Variants in ABCA7 observed in about 807,000 individuals in gnomAD.
The protein encoded by ABCA7 is phospholipid-transporting ATPase ABCA7.
Under a neutral mutation model 227.6 loss-of-function variants are expected in ABCA7, and 261 were observed. The observed-to-expected ratio is 1.15, with a 90% CI of 1.04 to 1.27. The LOEUF (loss-of-function observed/expected upper bound fraction) is 1.27. Ranked by LOEUF, ABCA7 falls within the 50% of genes most tolerant of loss-of-function variation. The pLI is 0.00. For missense variants in ABCA7, 3,331 were observed against 2,924.5 expected (o/e 1.14, Z -3.21); for synonymous variants, 1,488 against 1,279.7 (o/e 1.16, Z -3.47).
rs760239175 is a variant in ABCA7 at position 1,063,566 on chromosome 19, G to A, written c.5735G>A (p.Arg1912His). ...CAGACCGCTGGCTCGGGCCTGGCGC[G>A]TCTGGGACTCTCATGGTACGCAGAC... ...VAQTAGSGLA[R>H]LGLSWYADRP... is the part of the protein sequence containing the mutation. Residue 1912 changes from arginine to histidine, a missense_variant, in exon 43 of 47, where the codon CGT (arginine) becomes CAT (histidine). Coordinates refer to ENST00000263094, the MANE Select transcript of ABCA7 (RefSeq NM_019112.4). 2 of 1,610,852 alleles carry A rather than the reference G, an allele frequency of 1.2e-6. No homozygotes were observed. The highest frequency in any genetic ancestry group is 2.2e-5 in the South Asian group (2 of 91,078).
Position 1,054,175 on chromosome 19 carries a change from C to A in ABCA7, c.3578-18C>A. ...CCCCCCACAGCAGCGTGAGCACTGA[C>A]CCTCTCATCCCTCACAGCTGGGTCA... On this transcript the variant is annotated intron_variant, in intron 26 of 46. Coordinates refer to ENST00000263094, the MANE Select transcript of ABCA7 (RefSeq NM_019112.4). The surrounding 1 kb of genome is among the most constrained non-coding windows in gnomAD (Gnocchi z 4.8). The A allele has an allele frequency of 6.2e-7, 1 of 1,610,746 alleles. No individual in the cohort carries two copies. Among genetic ancestry groups the A allele is most frequent in the East Asian group, 2.2e-5 (1 of 44,814 alleles).
intron 16 of ABCA7, among the ~76,000 whole-genome samples, 167 bp from the exon 17 acceptor site, chr19:1,048,728 G>A (rs1171305816): frequency 6.8e-6 from 1 of 147,238 alleles, no homozygotes; most frequent in Non-Finnish European, 1.5e-5. Context: ...AGAATGACGT[G>A]AACTGGGGAG....
At chr19:1,048,822 A>T (rs897478323) in intron 16 of ABCA7, 73 bp from the exon 17 acceptor site, 2 of 821,210 alleles carry the variant, frequency 2.4e-6, no homozygotes, top group African/African-American at 4.2e-5. Flanking sequence ...AAAAAAAAAA[A>T]ACAAAACCCC....
At chr19:1,040,382 G>T (rs972933303) in intron 1 of ABCA7, among the ~76,000 whole-genome samples, 186 bp downstream of exon 1, 1 of 152,084 alleles carries the variant, frequency 6.6e-6, no homozygotes, top group Non-Finnish European at 1.5e-5. Context: ...CCCTTAAGAG[G>T]GCCTTTGCCG....
In ABCA7 at chr19:1,046,888, T is replaced by C; in HGVS notation, c.1709T>C (p.Val570Ala). Residue 570 changes from valine (V) to alanine (A), a missense_variant, in exon 14 of 47, where the codon GTG (valine) becomes GCG (alanine). Val to Ala is a moderately conservative substitution (Grantham distance 64). Coordinates refer to ENST00000263094, the MANE Select transcript of ABCA7 (RefSeq NM_019112.4). Reference protein sequence around the residue: ...YSVTLTVKAVVREKETRLRDT... With the variant: ...YSVTLTVKAVAREKETRLRDT... Reference sequence around the variant, plus strand: ...GTGACACTGACAGTGAAGGCCGTGGTGCGGGAGAAGGAGACGCGGCTGCGG... The same window carrying C: ...GTGACACTGACAGTGAAGGCCGTGGCGCGGGAGAAGGAGACGCGGCTGCGG... 6.5e-7 allele frequency: 1 copy of C among 1,549,932 alleles called. No homozygotes were observed. The highest frequency in any genetic ancestry group is 8.7e-7 in the Non-Finnish European group (1 of 1,152,354).
chr19:1,065,067 C>G lies in ABCA7; in HGVS notation c.6181C>G (p.Pro2061Ala). ...AGGCCGCCTGCGCTTCCAGCTGCCG[C>G]CGGGAGGGCGCTGCGCCCTGGCGCG... ...HGGRLRFQLP[P>A]GGRCALARVF... is the part of the protein sequence containing the mutation. The change falls in exon 46 of 47, where the codon CCG becomes GCG. Residue 2061 changes from proline to alanine, a missense_variant. By Grantham distance (27) the Pro-to-Ala change is conservative (BLOSUM62 -1). Transcript: ENST00000263094. The G allele has an allele frequency of 2.6e-6, 4 of 1,564,526 alleles. No individual in the cohort carries two copies. Among genetic ancestry groups the G allele is most frequent in the Non-Finnish European group, 3.5e-6 (4 of 1,156,176 alleles).
At chr19:1,045,988 T>C (rs921165972) in intron 12 of ABCA7, among the ~76,000 whole-genome samples, 7 of 151,902 alleles carry the variant, frequency 4.6e-5, no homozygotes, top group African/African-American at 1.7e-4. Context: ...GCCTGGGCGA[T>C]AGAGCGAGAC....
chr19:1,056,042 T>C lies in ABCA7; in HGVS notation c.4239-24T>C. The C allele has an allele frequency of 6.4e-7, 1 of 1,566,222 alleles. No individual in the cohort carries two copies. Among genetic ancestry groups the C allele is most frequent in the Non-Finnish European group, 8.7e-7 (1 of 1,152,086 alleles). ...CGGCCCCCCCGGCCCTCAGCTCCCC[T>C]TCCCTGCCTGCATGGCCCCACAGAT... On this transcript the variant is annotated intron_variant, in intron 31 of 46. Transcript: ENST00000263094. The surrounding 1 kb of genome is among the most constrained non-coding windows in gnomAD (Gnocchi z 4.3).
rs2041104415 is a variant in ABCA7, at chr19:1,049,195, C to G, written c.2381-71C>G. On this transcript the variant is annotated intron_variant, in intron 17 of 46. Coordinates refer to ENST00000263094, the MANE Select transcript of ABCA7 (RefSeq NM_019112.4). ...CCCAGCAGGTCCCGGATTCCACAGC[C>G]CAGCTCTGAGGGACTTGCAGGCCCC... The G allele has an allele frequency of 6.6e-6, 10 of 1,510,740 alleles. No individual in the cohort carries two copies. The South Asian group carries it at 1.3e-4, about 19-fold the overall frequency. 93.6% of individuals were successfully genotyped at this position (1,510,740 alleles called of 1,614,324 possible).
At chr19:1,047,747 G>T (rs1405387630) in intron 16 of ABCA7, 93 bp downstream of exon 16, 1 of 1,365,320 alleles carries the variant, frequency 7.3e-7, no homozygotes, top group Non-Finnish European at 9.7e-7. Flanking sequence ...TTGGGGGTGG[G>T]GGGTGGCTTA....
rs752213857 is a variant in ABCA7 at position 1,055,240 on chromosome 19, GT to G, written c.4095del (p.Pro1367LeufsTer6). ...LLPDCPAAAG[G>X]PPPPQAVTGS... ...CCCGACTGCCCGGCTGCAGCTGGTG[GT>G]CCCCCTCCGCCCCAGGCAGTGACCG... is the stretch of plus-strand genomic sequence containing the variant. On this transcript the variant is annotated frameshift_variant, in exon 30 of 47. Coordinates refer to ENST00000263094, the MANE Select transcript of ABCA7 (RefSeq NM_019112.4). LOFTEE classifies it high-confidence loss of function. The G allele has an allele frequency of 1.9e-6, 3 of 1,604,470 alleles. No individual in the cohort carries two copies. Among genetic ancestry groups the G allele is most frequent in the South Asian group, 2.2e-5 (2 of 90,040 alleles).
In ABCA7 at chr19:1,043,727, G is replaced by T. The variant is rs751990303; in HGVS notation, c.933G>T (p.Val311=). The T allele has an allele frequency of 6.2e-7, 1 of 1,612,470 alleles. No individual in the cohort carries two copies. Among genetic ancestry groups the T allele is most frequent in the Non-Finnish European group, 8.5e-7 (1 of 1,179,958 alleles). ...TPFTRKLMAQ[V]NRTFEELTLL... is the part of the protein sequence containing the mutation. The stretch of plus-strand genomic sequence containing the variant: ...AGTGGAGGGGGTGCTGTCCACAGGT[G>T]AACCGGACCTTCGAGGAGCTCACCC... The change falls in exon 10 of 47, where the codon GTG becomes GTT. Residue 311 remains valine, a splice_region_variant and synonymous_variant. Transcript: ENST00000263094.
chr19:1,046,750 G>GC (rs543494924), intron 13 of ABCA7, 52 bp from the exon 14 acceptor site: 30 of 1,469,284 alleles, frequency 2.0e-5, no homozygotes, highest in Non-Finnish European at 2.6e-5. Flanking sequence ...GGTGGGCGGA[G>GC]GGGGGGTCTG....
Position 1,052,250 on chromosome 19 carries a change from C to T in ABCA7, c.3184C>T (p.Gln1062Ter). 6.4e-7 allele frequency: 1 copy of T among 1,553,146 alleles called. No homozygotes were observed. The highest frequency in any genetic ancestry group is 1.2e-5 in the South Asian group (1 of 85,048). The change falls in exon 23 of 47, where the codon CAG becomes TAG. Residue 1062 changes from glutamine to a stop codon, truncating the protein, a stop_gained. Transcript: ENST00000263094. LOFTEE classifies it high-confidence loss of function. ...CATGGAGGGCAGTGTGGACACCAGGCAGGAAAAGAAGAATGGCAGCCAGGG... is the reference window on the plus strand; with the variant it reads ...CATGGAGGGCAGTGTGGACACCAGGTAGGAAAAGAAGAATGGCAGCCAGGG... ...TDMEGSVDTR[Q>*]EKKNGSQGSR...
rs377032659 is a variant in ABCA7, at chr19:1,043,324, C to A, written c.791-10C>A. The stretch of plus-strand genomic sequence containing the variant: ...CAGGGGGGCAGGGCCTCATGGCACC[C>A]CCATCCCAGGCCCCGCCTGCTCGGA... On this transcript the variant is annotated splice_polypyrimidine_tract_variant and intron_variant, in intron 8 of 46. Transcript: ENST00000263094. 1.2e-6 allele frequency: 2 copies of A among 1,612,854 alleles called. No homozygotes were observed. Among genetic ancestry groups the A allele is most frequent in the South Asian group, 2.2e-5 (2 of 91,074 alleles).
At position 1,040,927 on chromosome 19, in the gene ABCA7, G is replaced by A. The variant is rs181695318; in HGVS notation, c.-137-298G>A. Among the ~76,000 whole-genome samples the A allele has an allele frequency of 2.5e-3, 387 of 152,228 alleles. 1 individual carries two copies. Among genetic ancestry groups the A allele is most frequent in the Middle Eastern group, 0.014 (4 of 294 alleles). The stretch of plus-strand genomic sequence containing the variant: ...TGTTATCTTCGGAGAACAGTGAGGG[G>A]AAAGGAATCCTTGCCTGGGCTGGGC... On this transcript the variant is annotated intron_variant, in intron 1 of 46. Transcript: ENST00000263094.
intron 3 of ABCA7, 68 bp downstream of exon 3, chr19:1,041,671 G>T: frequency 6.3e-7 from 1 of 1,581,312 alleles, no homozygotes. Context: ...CCGTGCACAG[G>T]AATCCCCCGT....
At chr19:1,052,445 A>G (rs1255985186) in intron 23 of ABCA7, among the ~76,000 whole-genome samples, 159 bp downstream of exon 23, 3 of 2,006 alleles carry the variant, frequency 1.5e-3, no homozygotes, top group South Asian at 0.018. Context: ...GGGAGGAGTA[A>G]GAGGTGGAAG....
At position 1,049,432 on chromosome 19, in the gene ABCA7, C is replaced by T. The variant is rs1378403329; in HGVS notation, c.2547C>T (p.Thr849=). 6.3e-7 allele frequency: 1 copy of T among 1,599,832 alleles called. No homozygotes were observed. The highest frequency in any genetic ancestry group is 1.7e-5 in the Admixed American group (1 of 59,044). Reference sequence around the variant, plus strand: ...GCCACAACGGGGCCGGCAAGACCACCACCCTGTGAGCCCCCAACCACTCCC... The same window carrying T: ...GCCACAACGGGGCCGGCAAGACCACTACCCTGTGAGCCCCCAACCACTCCC... ...FLGHNGAGKT[T]TLSILSGLFP... Residue 849 remains threonine (T), a synonymous_variant, in exon 18 of 47, where the codon ACC becomes ACT. Transcript: ENST00000263094.
Sources: gnomAD v4.1 joint callset for allele counts (sites outside exome capture counted in the v4.1 genomes callset) on GRCh38, gnomAD v4.1.1 for gene constraint, Gnocchi (gnomAD v3.1) non-coding constraint, MANE v1.5 for transcripts, NCBI Gene and HGNC (gene_info 2026-07-23, HGNC 2026-07-21) for gene names.